Variants in KIDINS220 observed in about 807,000 individuals in gnomAD.
KIDINS220 encodes kinase D interacting substrate 220.
Under a neutral mutation model 157.6 loss-of-function variants are expected in KIDINS220, and 63 were observed. The observed-to-expected ratio is 0.40, with a 90% CI of 0.33 to 0.49. The LOEUF is 0.49. Among genes scored for constraint, KIDINS220 ranks in the 20% least tolerant of loss-of-function variants. The pLI is 0.66. For missense variants in KIDINS220, 1,772 were observed against 2,171.2 expected (o/e 0.82, Z 3.65); for synonymous variants, 732 against 783.6 (o/e 0.93, Z 1.10).
chr2:8,745,955 G>C (rs911538080), intron 26 of KIDINS220, among the ~76,000 whole-genome samples: 1 of 150,482 alleles, frequency 6.6e-6, no homozygotes, highest in Non-Finnish European at 1.5e-5. Flanking sequence ...AACATAGTCT[G>C]TAAATAAAAC....
Position 8,729,656 on chromosome 2 carries a change from T to C in KIDINS220, c.*1064A>G. The stretch of plus-strand genomic sequence containing the variant: ...TTTTTTTTAAAAAGTATTTCCTTTC[T>C]TATGATCCTTCCCCAGAACTAACAT... On this transcript the variant is annotated 3_prime_UTR_variant, in exon 30 of 30. Transcript: ENST00000256707. 1.0e-6 allele frequency: 1 copy of C among 984,350 alleles called. No individual in the cohort carries two copies. The highest frequency in any genetic ancestry group is 1.2e-6 in the Non-Finnish European group (1 of 828,944). 61.0% of individuals were successfully genotyped at this position (984,350 alleles called of 1,614,324 possible).
chr2:8,779,924 A>C, intron 17 of KIDINS220, 110 bp from the exon 18 acceptor site: 2 of 1,133,068 alleles, frequency 1.8e-6, no homozygotes, highest in Non-Finnish European at 2.5e-6. Flanking sequence ...GAAGACATTC[A>C]AAGTCCTTGC....
At chr2:8,833,388 C>A (rs1173576751) in intron 1 of KIDINS220, among the ~76,000 whole-genome samples, 2 of 151,970 alleles carry the variant, frequency 1.3e-5, no homozygotes, top group Non-Finnish European at 2.9e-5. Flanking sequence ...ATTCTCATAA[C>A]CTGGATTGTT....
At chr2:8,796,985 C>T in intron 10 of KIDINS220, 116 bp from the exon 11 acceptor site, 1 of 777,408 alleles carries the variant, frequency 1.3e-6, no homozygotes, top group Non-Finnish European at 2.2e-6. Flanking sequence ...ATTTAAAACC[C>T]TCTCAAGAAA....
At chr2:8,721,099 C>T (rs767884788), downstream of KIDINS220, 17 of 151,086 alleles carry the variant, frequency 1.1e-4, no homozygotes, top group Non-Finnish European at 2.2e-4. Context: ...CTTATGAGAC[C>T]ACAATCATTT....
At chr2:8,735,484 G>A (rs1446940078) in intron 27 of KIDINS220, among the ~76,000 whole-genome samples, 4 of 152,066 alleles carry the variant, frequency 2.6e-5, no homozygotes, top group Non-Finnish European at 5.9e-5. Flanking sequence ...AGTGAGCCAT[G>A]GCCACGCCAC....
intron 6 of KIDINS220, among the ~76,000 whole-genome samples, chr2:8,807,335 C>CA (rs1374012098): frequency 1.3e-5 from 2 of 152,194 alleles, no homozygotes; most frequent in Non-Finnish European, 2.9e-5. Context: ...TGAATGTCCA[C>CA]AGTGACCTTT....
chr2:8,813,574 G>C (rs1019246538), intron 4 of KIDINS220, among the ~76,000 whole-genome samples: 1 of 152,164 alleles, frequency 6.6e-6, no homozygotes, highest in African/African-American at 2.4e-5. Context: ...ACCTGAATTA[G>C]AGAACATTCA....
chr2:8,770,234 C>T (rs1256623738), intron 22 of KIDINS220, among the ~76,000 whole-genome samples: 1 of 151,894 alleles, frequency 6.6e-6, no homozygotes, highest in Non-Finnish European at 1.5e-5. Context: ...CAAGTCCCCG[C>T]CTCTACAAAA....
In KIDINS220 at chr2:8,736,184, T is replaced by C. The variant is rs554158314; in HGVS notation, c.3717+684A>G. Among the ~76,000 whole-genome samples, 80 of 152,364 alleles carry C rather than the reference T, an allele frequency of 5.3e-4. 1 individual carries two copies. Among genetic ancestry groups the C allele is most frequent in the African/African-American group, 1.8e-3 (76 of 41,582 alleles). On this transcript the variant is annotated intron_variant, in intron 27 of 29. Coordinates refer to ENST00000256707, the MANE Select transcript of KIDINS220 (RefSeq NM_020738.4). ...TATATAAATATTAGAGGCTGGTTATTAACGTTCTACTTTATTACACAGTAC... is the reference window on the plus strand; with the variant it reads ...TATATAAATATTAGAGGCTGGTTATCAACGTTCTACTTTATTACACAGTAC...
chr2:8,778,845 A>G, intron 19 of KIDINS220, 51 bp downstream of exon 19: 1 of 1,606,072 alleles, frequency 6.2e-7, no homozygotes, highest in Non-Finnish European at 8.5e-7. Context: ...CGCCATAAAG[A>G]AACTACAAAA....
chr2:8,802,871 C>A, intron 8 of KIDINS220, 59 bp downstream of exon 8: 1 of 1,390,394 alleles, frequency 7.2e-7, no homozygotes, highest in Admixed American at 1.8e-5. Context: ...TAATAAGACA[C>A]TAAGGTCACC....
At chr2:8,828,870 C>T (rs867617438) in intron 1 of KIDINS220, among the ~76,000 whole-genome samples, 5 of 152,212 alleles carry the variant, frequency 3.3e-5, no homozygotes, top group Non-Finnish European at 5.9e-5. Context: ...TTGATTCTTG[C>T]GTTTCCCAGG....
intron 27 of KIDINS220, among the ~76,000 whole-genome samples, chr2:8,735,083 A>T (rs529018217): frequency 9.2e-5 from 14 of 152,336 alleles, no homozygotes; most frequent in African/African-American, 3.4e-4. Flanking sequence ...AAATATGAAC[A>T]TGAACACAAG....
intron 21 of KIDINS220, among the ~76,000 whole-genome samples, chr2:8,772,054 C>T (rs1322561503): frequency 2.6e-5 from 4 of 152,132 alleles, no homozygotes; most frequent in South Asian, 2.1e-4. Flanking sequence ...TGGGAAGGCA[C>T]GGGCTGGCAG....
At chr2:8,793,248 C>A (rs1391879002) in intron 12 of KIDINS220, among the ~76,000 whole-genome samples, 1 of 152,034 alleles carries the variant, frequency 6.6e-6, no homozygotes, top group Non-Finnish European at 1.5e-5. Context: ...TGGCTCATGT[C>A]TGTAATCCCA....
Position 8,836,858 on chromosome 2 carries a change from A to G in KIDINS220, c.-37+622T>C, listed in dbSNP as rs544117162. Among the ~76,000 whole-genome samples, 28 of 152,338 alleles carry G rather than the reference A, an allele frequency of 1.8e-4. 1 individual carries two copies. In the East Asian group the frequency reaches 4.6e-3, roughly 25 times the overall value. On this transcript the variant is annotated intron_variant, in intron 1 of 29. Coordinates refer to ENST00000256707, the MANE Select transcript of KIDINS220 (RefSeq NM_020738.4). Reference sequence around the variant, plus strand: ...TGGCTGCATAGTTATTCATAAAAAAATTTTTCATCGGTTTAAACCTGTCAA... The same window carrying G: ...TGGCTGCATAGTTATTCATAAAAAAGTTTTTCATCGGTTTAAACCTGTCAA...
chr2:8,733,185 A>T (rs1293711080), intron 29 of KIDINS220, among the ~76,000 whole-genome samples: 1 of 151,926 alleles, frequency 6.6e-6, no homozygotes, highest in Non-Finnish European at 1.5e-5. Flanking sequence ...ATCCCTATTG[A>T]CTCTGCATGC....
downstream of KIDINS220, chr2:8,725,541 G>A (rs572628995): frequency 3.9e-5 from 6 of 152,280 alleles, no homozygotes; most frequent in South Asian, 6.2e-4. Context: ...TAGGTAGGCC[G>A]AGTCTTCTTC....
Sources: gnomAD v4.1 joint callset for allele counts (sites outside exome capture counted in the v4.1 genomes callset) on GRCh38, gnomAD v4.1.1 for gene constraint, MANE v1.5 for transcripts, NCBI Gene and HGNC (gene_info 2026-07-23, HGNC 2026-07-21) for gene names.